ZNF804A: variants seen among roughly 807,000 people sequenced by gnomAD.
ZNF804A encodes the protein zinc finger protein 804A.
A neutral mutation model predicts 16.5 loss-of-function variants in ZNF804A; 2 were observed. The observed-to-expected ratio is 0.12, with a 90% CI of 0.05 to 0.38. The LOEUF is 0.38. Ranked by LOEUF, ZNF804A falls within the 10% of genes least tolerant of loss-of-function variation. The pLI is 0.99. For missense variants in ZNF804A, 1,473 were observed against 1,390.7 expected (o/e 1.06, Z -0.94); for synonymous variants, 534 against 489.6 (o/e 1.09, Z -1.20).
chr2:184,906,096 A>T (rs186573519), intron 2 of ZNF804A, among the ~76,000 whole-genome samples: 2 of 152,332 alleles, frequency 1.3e-5, no homozygotes, highest in Admixed American at 6.5e-5. Flanking sequence ...ATCATTGGAA[A>T]TAAATGGAAA....
At chr2:184,652,530 A>G (rs1431764739) in intron 1 of ZNF804A, among the ~76,000 whole-genome samples, 1 of 152,172 alleles carries the variant, frequency 6.6e-6, no homozygotes, top group African/African-American at 2.4e-5. Context: ...GATTTTGAGA[A>G]TGGGAGTTTT....
intron 2 of ZNF804A, among the ~76,000 whole-genome samples, chr2:184,910,189 C>A (rs1359927989): frequency 6.6e-6 from 1 of 151,740 alleles, no homozygotes; most frequent in African/African-American, 2.4e-5. Flanking sequence ...GTATGAGCAC[C>A]AAATATCTAG....
intron 1 of ZNF804A, among the ~76,000 whole-genome samples, chr2:184,812,676 T>C (rs546992781): frequency 4.8e-4 from 73 of 152,242 alleles, no homozygotes; most frequent in African/African-American, 1.7e-3. Context: ...GGTGGGTAGC[T>C]GTTGGCACTG....
At chr2:184,725,059 A>G (rs1421639830) in intron 1 of ZNF804A, among the ~76,000 whole-genome samples, 2 of 151,732 alleles carry the variant, frequency 1.3e-5, no homozygotes, top group African/African-American at 2.4e-5. Context: ...GGCTTTCACT[A>G]TTGAATATTA....
At chr2:184,855,490 T>A (rs751328566) in intron 1 of ZNF804A, among the ~76,000 whole-genome samples, 13 of 152,014 alleles carry the variant, frequency 8.6e-5, no homozygotes, top group Non-Finnish European at 1.5e-4. Context: ...TTATAGCATG[T>A]ACTGTCCCCC....
At chr2:184,601,761 C>G (rs561627214) in intron 1 of ZNF804A, among the ~76,000 whole-genome samples, 1 of 151,358 alleles carries the variant, frequency 6.6e-6, no homozygotes, top group African/African-American at 2.4e-5. Context: ...TTTCTTACTT[C>G]GGGGAAGTGC....
intron 1 of ZNF804A, among the ~76,000 whole-genome samples, chr2:184,809,900 A>G (rs1694866433): frequency 6.6e-6 from 1 of 152,156 alleles, no homozygotes; most frequent in African/African-American, 2.4e-5. Flanking sequence ...TGCCATAGCA[A>G]AATATAAACA....
intron 1 of ZNF804A, among the ~76,000 whole-genome samples, chr2:184,729,131 G>A (rs1265630530): frequency 6.6e-6 from 1 of 151,666 alleles, no homozygotes; most frequent in Non-Finnish European, 1.5e-5. Context: ...ATCACAGTGA[G>A]AACAATATAT....
chr2:184,708,078 T>C (rs768498967), intron 1 of ZNF804A, among the ~76,000 whole-genome samples: 46 of 152,192 alleles, frequency 3.0e-4, no homozygotes, highest in South Asian at 1.7e-3. Context: ...TGGCTGTTTG[T>C]ATGTCTTCTT....
chr2:184,678,413 C>T (rs548937980), intron 1 of ZNF804A, among the ~76,000 whole-genome samples: 1 of 152,124 alleles, frequency 6.6e-6, no homozygotes, highest in East Asian at 1.9e-4. Flanking sequence ...TATATCAAGT[C>T]TATTTCCTAC....
At chr2:184,876,835 C>T (rs1428578219) in intron 2 of ZNF804A, among the ~76,000 whole-genome samples, 1 of 152,060 alleles carries the variant, frequency 6.6e-6, no homozygotes, top group Admixed American at 6.6e-5. Context: ...AAAACTAAAA[C>T]TGTAAACAAA....
rs1685813091 is a variant in ZNF804A at position 184,937,562 on chromosome 2, C to T, written c.2166C>T (p.Tyr722=). 1.2e-6 allele frequency: 2 copies of T among 1,612,156 alleles called. No individual in the cohort carries two copies. Among genetic ancestry groups the T allele is most frequent in the Admixed American group, 1.7e-5 (1 of 59,302 alleles). The change falls in exon 4 of 4, where the codon TAC becomes TAT. Residue 722 remains tyrosine (Y), a synonymous_variant. Coordinates refer to ENST00000302277, the MANE Select transcript of ZNF804A (RefSeq NM_194250.2). ...ATAATTTAACATATTCTAGAACTTACTGTTGTTGGAAAACCAAAATGTCAA... is the reference window on the plus strand; with the variant it reads ...ATAATTTAACATATTCTAGAACTTATTGTTGTTGGAAAACCAAAATGTCAA... The part of the protein sequence containing the change: ...GKHNLTYSRT[Y]CCWKTKMSSC...
chr2:184,831,569 C>A (rs980488157), intron 1 of ZNF804A, among the ~76,000 whole-genome samples: 3 of 152,002 alleles, frequency 2.0e-5, no homozygotes, highest in African/African-American at 4.8e-5. Flanking sequence ...AATTCAGAAT[C>A]TCAGGCCCCA....
chr2:184,763,852 C>A (rs1443089949), intron 1 of ZNF804A, among the ~76,000 whole-genome samples: 1 of 151,646 alleles, frequency 6.6e-6, no homozygotes, highest in East Asian at 1.9e-4. Flanking sequence ...CCGTGTTAGC[C>A]AAGATAGCCT....
chr2:184,713,720 G>T (rs568189855), intron 1 of ZNF804A, among the ~76,000 whole-genome samples: 3 of 151,878 alleles, frequency 2.0e-5, no homozygotes, highest in Non-Finnish European at 2.9e-5. Context: ...TATTAACAAC[G>T]CATTTGTTTC....
chr2:184,770,533 A>G (rs1694193605), intron 1 of ZNF804A, among the ~76,000 whole-genome samples: 1 of 132,298 alleles, frequency 7.6e-6, no homozygotes, highest in East Asian at 1.9e-4. Context: ...TTTAGCAAAC[A>G]TTTATGTTCT....
intron 1 of ZNF804A, among the ~76,000 whole-genome samples, chr2:184,819,847 A>T (rs1376254074): frequency 6.6e-6 from 1 of 151,926 alleles, no homozygotes; most frequent in African/African-American, 2.4e-5. Context: ...GGGAACATAT[A>T]CCCTCCCAAG....
chr2:184,906,461 A>G (rs1486588040), intron 2 of ZNF804A, among the ~76,000 whole-genome samples: 1 of 151,870 alleles, frequency 6.6e-6, no homozygotes, highest in East Asian at 1.9e-4. Flanking sequence ...AAACAGGCCT[A>G]TCTAATTTTT....
At chr2:184,639,844 T>C (rs758882752) in intron 1 of ZNF804A, among the ~76,000 whole-genome samples, 34 of 151,858 alleles carry the variant, frequency 2.2e-4, no homozygotes, top group South Asian at 8.3e-4. Flanking sequence ...CTACTAAAAA[T>C]ACAAAAAATT....
Sources: allele counts gnomAD v4.1 joint callset (sites outside exome capture counted in the v4.1 genomes callset), GRCh38; gene constraint gnomAD v4.1.1; transcripts MANE v1.5; gene names NCBI Gene and HGNC (gene_info 2026-07-23, HGNC 2026-07-21).